BTD: variants seen among roughly 807,000 people sequenced by gnomAD.
BTD encodes the protein biocytinase.
A neutral mutation model predicts 17.7 loss-of-function variants in BTD; 13 were observed. The ratio of observed to expected loss-of-function variants is 0.74; its 90% CI spans 0.48 to 1.17. The LOEUF (loss-of-function observed/expected upper bound fraction) is 1.17. Ranked by LOEUF, BTD falls within the 50% of genes most tolerant of loss-of-function variation. The pLI is 0.00. For synonymous variants in BTD, 240 were observed against 245.2 expected (o/e 0.98, Z 0.20); for missense variants, 674 against 650.4 (o/e 1.04, Z -0.39).
In BTD at chr3:15,641,086, A is replaced by G. The variant is rs572572287; in HGVS notation, c.250-822A>G. ...GGAAGAATGATGCCCCAGCCCTGAGAGCTGAGGGCGGCCCTGTTTGTATTT... is the reference window on the plus strand; with the variant it reads ...GGAAGAATGATGCCCCAGCCCTGAGGGCTGAGGGCGGCCCTGTTTGTATTT... On this transcript the variant is annotated intron_variant, in intron 2 of 3. Coordinates refer to ENST00000643237, the MANE Select transcript of BTD (RefSeq NM_001370658.1). Among the ~76,000 whole-genome samples, 5 of 152,254 alleles carry G rather than the reference A, an allele frequency of 3.3e-5. No individual in the cohort carries two copies. The South Asian group carries it at 1.0e-3, about 32-fold the overall frequency.
chr3:15,601,833 C>T lies in BTD; in HGVS notation c.-78C>T. ...CCGAGTCGGCCAGCTGGAGCGTTTT[C>T]GGGGCTGTAAAGGGAGAATGGCGCA... is the stretch of plus-strand genomic sequence containing the variant. On this transcript the variant is annotated 5_prime_UTR_variant, in exon 1 of 4. Transcript: ENST00000643237. 6.2e-7 allele frequency: 1 copy of T among 1,614,152 alleles called. No homozygotes were observed. Among genetic ancestry groups the T allele is most frequent in the Non-Finnish European group, 8.5e-7 (1 of 1,180,028 alleles).
rs1005799981 is a variant in BTD at position 15,681,258 on chromosome 3, C to CA, written c.400-28793dup. 1.1e-4 allele frequency among the ~76,000 whole-genome samples: 16 copies of CA among 150,490 alleles called. No individual in the cohort carries two copies. The East Asian group carries it at 1.4e-3, about 13-fold the overall frequency. On this transcript the variant is annotated intron_variant, in intron 3 of 3. Transcript: ENST00000672141. ...TGTTGTATTGTTTAGGGAATAATGA[C>CA]AAAAAAAAAGTCTGTACATGTTCAG...
chr3:15,623,824 C>A (rs759216501), intron 1 of BTD, among the ~76,000 whole-genome samples: 14 of 152,248 alleles, frequency 9.2e-5, no homozygotes, highest in Non-Finnish European at 1.9e-4. Flanking sequence ...GTGCTTGCTT[C>A]CCCTTTGCCC....
At chr3:15,689,800 T>G (rs2125816835) in intron 3 of BTD, 1 of 506,078 alleles carries the variant, frequency 2.0e-6, no homozygotes, top group East Asian at 3.2e-5. Context: ...TTAAGTTCCC[T>G]GAACACTGGG....
At position 15,635,407 on chromosome 3, in the gene BTD, GC is replaced by G. The variant is rs1360033472; in HGVS notation, c.-16-13del. ...TTCTTTATTCAGCTGTTTTCCCCTTGCCCCATTACATTCCAGATTTGTGGTC... is the reference window on the plus strand; with the variant it reads ...TTCTTTATTCAGCTGTTTTCCCCTTGCCCATTACATTCCAGATTTGTGGTC... On this transcript the variant is annotated splice_polypyrimidine_tract_variant and intron_variant, in intron 1 of 3. Coordinates refer to ENST00000643237, the MANE Select transcript of BTD (RefSeq NM_001370658.1). This position sits in a 1 kb window ranked among gnomAD's most constrained non-coding sequence, Gnocchi z 4.1. 1.2e-6 allele frequency: 2 copies of G among 1,614,174 alleles called. No homozygotes were observed. The highest frequency in any genetic ancestry group is 2.2e-5 in the South Asian group (2 of 91,072).
intron 1 of BTD, among the ~76,000 whole-genome samples, chr3:15,615,334 G>C (rs1203370578): frequency 1.3e-5 from 2 of 152,218 alleles, no homozygotes; most frequent in Non-Finnish European, 2.9e-5. Context: ...CAGAGCCCAA[G>C]ATGAGATGTA....
intron 3 of BTD, chr3:15,678,156 A>T: frequency 6.6e-7 from 1 of 1,512,352 alleles, no homozygotes; most frequent in Admixed American, 2.0e-5. Context: ...TCTAAGTTAT[A>T]CATAAGTGAT....
chr3:15,711,737 T>C (rs1305556083), exon 4 of BTD, among the ~76,000 whole-genome samples: 1 of 151,896 alleles, frequency 6.6e-6, no homozygotes, highest in Non-Finnish European at 1.5e-5. Context: ...CCTAGGCTAG[T>C]GTGCAGTGGC....
Position 15,635,360 on chromosome 3 carries a change from A to AAGAATT in BTD, c.-16-63_-16-62insGAATTA, listed in dbSNP as rs1213535153. On this transcript the variant is annotated intron_variant, in intron 1 of 3. Coordinates refer to ENST00000643237, the MANE Select transcript of BTD (RefSeq NM_001370658.1). This position sits in a 1 kb window ranked among gnomAD's most constrained non-coding sequence, Gnocchi z 4.1. ...GCTGGGATTAATAAATCACAGCTGCAAACGTTAAATTCTTGGCAGGATTCT... is the reference window on the plus strand; with the variant it reads ...GCTGGGATTAATAAATCACAGCTGCAAGAATTAACGTTAAATTCTTGGCAGGATTCT... 2.5e-6 allele frequency: 4 copies of AAGAATT among 1,610,232 alleles called. No individual in the cohort carries two copies. In the Admixed American group the frequency reaches 6.7e-5, roughly 27 times the overall value.
At chr3:15,673,863 T>C (rs1251314378) in intron 3 of BTD, among the ~76,000 whole-genome samples, 1 of 151,432 alleles carries the variant, frequency 6.6e-6, no homozygotes, top group Non-Finnish European at 1.5e-5. Context: ...GGTAACAAGG[T>C]GGAGGACACA....
chr3:15,604,509 G>C (rs968343715), intron 1 of BTD, among the ~76,000 whole-genome samples: 1 of 152,224 alleles, frequency 6.6e-6, no homozygotes, highest in Non-Finnish European at 1.5e-5. Context: ...GAAGGTCTCT[G>C]ACATGCCCTG....
At chr3:15,718,280 G>A (rs1268003247) in intron 4 of BTD, among the ~76,000 whole-genome samples, 1 of 152,206 alleles carries the variant, frequency 6.6e-6, no homozygotes, top group Non-Finnish European at 1.5e-5. Context: ...ACCCTTAGGT[G>A]AAGTTAAGAT....
At chr3:15,689,015 T>TA (rs2068474332) in intron 3 of BTD, among the ~76,000 whole-genome samples, 1 of 152,254 alleles carries the variant, frequency 6.6e-6, no homozygotes, top group Admixed American at 6.5e-5. Flanking sequence ...TTTCAGAAGT[T>TA]AGATTATTAC....
At chr3:15,711,420 C>A in exon 4 of BTD, 1 of 583,450 alleles carries the variant, frequency 1.7e-6, no homozygotes, top group East Asian at 2.9e-5. Context: ...GTTTAAAAGG[C>A]AATAGGATAC....
chr3:15,663,397 T>C (rs563977391), intron 3 of BTD, among the ~76,000 whole-genome samples: 2 of 152,350 alleles, frequency 1.3e-5, no homozygotes, highest in East Asian at 1.9e-4. Context: ...AAACACTGTA[T>C]AGAATTGGTA....
chr3:15,645,190 G>A lies in BTD; in HGVS notation c.1274G>A (p.Gly425Glu), dbSNP rs397514402. The change falls in exon 4 of 4, where the codon GGG (glycine) becomes GAG (glutamate). Residue 425 changes from glycine (G) to glutamate (E), a missense_variant. Physicochemically the swap from Gly to Glu is moderately conservative, Grantham distance 98. Transcript: ENST00000643237. ...CTGTATGCCCTGGGGGTCTTTGATGGGCTTCACACAGTACATGGCACTTAC... is the reference window on the plus strand; with the variant it reads ...CTGTATGCCCTGGGGGTCTTTGATGAGCTTCACACAGTACATGGCACTTAC... ...KELYALGVFD[G>E]LHTVHGTYYI... The A allele has an allele frequency of 6.2e-7, 1 of 1,614,166 alleles. No homozygotes were observed. The highest frequency in any genetic ancestry group is 8.5e-7 in the Non-Finnish European group (1 of 1,180,024).
At chr3:15,655,126 A>G (rs1298425161), downstream of BTD, among the ~76,000 whole-genome samples, 1 of 152,222 alleles carries the variant, frequency 6.6e-6, no homozygotes, top group African/African-American at 2.4e-5. Context: ...TTTTCAGTAA[A>G]CACGCACATC....
chr3:15,610,361 T>A lies in BTD; in HGVS notation c.-17+8467T>A, dbSNP rs554400953. ...ATTGTGCAAGCCTCTATGTGCGGTG[T>A]TTGCTAACATCTCATTAGCCAAAGC... On this transcript the variant is annotated intron_variant, in intron 1 of 3. Coordinates refer to ENST00000643237, the MANE Select transcript of BTD (RefSeq NM_001370658.1). 2.6e-5 allele frequency among the ~76,000 whole-genome samples: 4 copies of A among 152,314 alleles called. No homozygotes were observed. The South Asian group carries it at 8.3e-4, about 32-fold the overall frequency.
intron 1 of BTD, among the ~76,000 whole-genome samples, chr3:15,624,623 T>C (rs1198225322): frequency 1.4e-5 from 2 of 141,950 alleles, no homozygotes; most frequent in African/African-American, 5.1e-5. Context: ...GCATGTTGGC[T>C]GTTGTTTTTT....
Sources: allele counts gnomAD v4.1 joint callset (sites outside exome capture counted in the v4.1 genomes callset), GRCh38; gene constraint gnomAD v4.1.1; non-coding constraint Gnocchi (gnomAD v3.1); transcripts MANE v1.5; gene names NCBI Gene and HGNC (gene_info 2026-07-23, HGNC 2026-07-21).